The following ANKRD44 variants were observed in gnomAD, a reference collection of about 807,000 sequenced individuals.
The protein encoded by ANKRD44 is serine/threonine-protein phosphatase 6 regulatory ankyrin repeat subunit B.
ANKRD44 carries 35 observed loss-of-function variants against 116.0 expected under a neutral mutation model. The observed-to-expected ratio is 0.30, with a 90% CI of 0.23 to 0.40. The LOEUF is 0.40. Ranked by LOEUF, ANKRD44 falls within the 10% of genes least tolerant of loss-of-function variation. ANKRD44 has a pLI of 1.00. For synonymous variants in ANKRD44, 435 were observed against 461.8 expected, an observed-to-expected ratio of 0.94 and a Z score of 0.74; for missense variants, 1,014 against 1,242.6, an observed-to-expected ratio of 0.82 and a Z score of 2.77.
intron 9 of ANKRD44, among the ~76,000 whole-genome samples, chr2:197,103,972 G>A (rs2078366476): frequency 4.6e-5 from 7 of 152,078 alleles, no homozygotes. Context: ...AATTGTAAAT[G>A]ACTATATAAT....
intron 4 of ANKRD44, among the ~76,000 whole-genome samples, chr2:197,130,064 C>T (rs2079062841): frequency 6.6e-6 from 1 of 152,196 alleles, no homozygotes; most frequent in African/African-American, 2.4e-5. Context: ...AAGTAATAAT[C>T]TGTAAGTGTT....
intron 24 of ANKRD44, 84 bp from the exon 25 acceptor site, chr2:196,998,503 A>T: frequency 1.1e-6 from 1 of 935,926 alleles, no homozygotes; most frequent in Non-Finnish European, 1.7e-6. Flanking sequence ...ACACAATAAC[A>T]TATTTAAATT....
At chr2:196,974,539 C>A (rs914787554) in intron 21 of ANKRD44, among the ~76,000 whole-genome samples, 3 of 152,084 alleles carry the variant, frequency 2.0e-5, no homozygotes, top group Admixed American at 2.0e-4. Context: ...GCTGTAAACA[C>A]CTATATTTAA....
chr2:197,276,214 G>A (rs2083077618), intron 1 of ANKRD44, among the ~76,000 whole-genome samples: 1 of 148,250 alleles, frequency 6.7e-6, no homozygotes, highest in South Asian at 2.1e-4. Context: ...GGTAGAAGTT[G>A]CAGGGGGCTG....
In ANKRD44 at chr2:197,235,586, A is replaced by T. The variant is rs550140798; in HGVS notation, c.28-48480T>A. 7.3e-5 allele frequency among the ~76,000 whole-genome samples: 11 copies of T among 149,940 alleles called. No individual in the cohort carries two copies. The East Asian group carries it at 2.2e-3, about 30-fold the overall frequency. ...AGCCGAGATTGTTGCACTGCACTCC[A>T]GCCTGGGTGATAGAGTGAGACTCTG... On this transcript the variant is annotated intron_variant, in intron 1 of 27. Coordinates refer to ENST00000282272, the MANE Select transcript of ANKRD44 (RefSeq NM_001195144.2).
intron 21 of ANKRD44, among the ~76,000 whole-genome samples, chr2:196,974,857 T>C (rs2075745561): frequency 6.7e-6 from 1 of 149,396 alleles, no homozygotes; most frequent in Non-Finnish European, 1.5e-5. Flanking sequence ...GCCACTGCAA[T>C]CCAGCCTAGG....
At chr2:197,022,013 C>T (rs2076506772) in intron 17 of ANKRD44, among the ~76,000 whole-genome samples, 1 of 152,104 alleles carries the variant, frequency 6.6e-6, no homozygotes, top group Non-Finnish European at 1.5e-5. Context: ...ATTCACTGGG[C>T]CAATAACCCT....
intron 9 of ANKRD44, among the ~76,000 whole-genome samples, chr2:197,104,055 T>C (rs548709438): frequency 6.6e-6 from 1 of 152,354 alleles, no homozygotes; most frequent in Non-Finnish European, 1.5e-5. Context: ...ATCTTTGCTA[T>C]TAAGAAAAAC....
At chr2:197,053,642 C>A (rs2077153232) in intron 16 of ANKRD44, among the ~76,000 whole-genome samples, 1 of 152,166 alleles carries the variant, frequency 6.6e-6, no homozygotes, top group African/African-American at 2.4e-5. Flanking sequence ...CACCACCATG[C>A]CCATCTAATT....
chr2:197,033,811 C>T (rs2076754679), intron 16 of ANKRD44, among the ~76,000 whole-genome samples: 1 of 152,040 alleles, frequency 6.6e-6, no homozygotes, highest in Admixed American at 6.6e-5. Context: ...TGGAATCTAG[C>T]TGCTCTAAGT....
chr2:197,256,694 T>G (rs753577610), intron 1 of ANKRD44, among the ~76,000 whole-genome samples: 18 of 152,150 alleles, frequency 1.2e-4, no homozygotes, highest in South Asian at 2.1e-4. Context: ...AGAATAGATT[T>G]AAAACAAAGG....
chr2:197,016,897 A>C (rs1236182092), intron 17 of ANKRD44, among the ~76,000 whole-genome samples: 1 of 152,200 alleles, frequency 6.6e-6, no homozygotes, highest in East Asian at 1.9e-4. Flanking sequence ...AATTTCCTTA[A>C]TATATAAAGA....
chr2:197,132,539 G>C (rs982110085), intron 4 of ANKRD44, among the ~76,000 whole-genome samples: 2 of 152,074 alleles, frequency 1.3e-5, no homozygotes, highest in African/African-American at 2.4e-5. Context: ...TGAAAACAAG[G>C]CTCCAAAATT....
At chr2:197,241,372 A>G (rs2082086600) in intron 1 of ANKRD44, among the ~76,000 whole-genome samples, 1 of 152,234 alleles carries the variant, frequency 6.6e-6, no homozygotes, top group Non-Finnish European at 1.5e-5. Flanking sequence ...GCCACTATGC[A>G]TCATGGATCT....
At chr2:197,210,805 T>A (rs2081307483) in intron 1 of ANKRD44, among the ~76,000 whole-genome samples, 1 of 152,090 alleles carries the variant, frequency 6.6e-6, no homozygotes, top group Admixed American at 6.5e-5. Context: ...AAACAGAAAC[T>A]GAGCACAGTG....
intron 17 of ANKRD44, chr2:197,016,055 C>T (rs751742775): frequency 6.5e-5 from 33 of 505,400 alleles, no homozygotes; most frequent in African/African-American, 4.3e-4. Context: ...CAGGAGAGAG[C>T]GATGAGTTGT....
chr2:196,985,819 T>C, downstream of ANKRD44, among the ~76,000 whole-genome samples: 1 of 152,186 alleles, frequency 6.6e-6, no homozygotes. Flanking sequence ...CCAGAGACTG[T>C]CCCTGAAGTT....
intron 16 of ANKRD44, among the ~76,000 whole-genome samples, chr2:197,042,966 T>C (rs776239143): frequency 1.1e-4 from 16 of 152,218 alleles, no homozygotes; most frequent in Non-Finnish European, 1.6e-4. Context: ...TTTGCACCAA[T>C]GTGGGTGTGT....
At chr2:197,151,123 C>CAAAA (rs57630063) in intron 2 of ANKRD44, among the ~76,000 whole-genome samples, 1 of 139,706 alleles carries the variant, frequency 7.2e-6, no homozygotes, top group African/African-American at 2.7e-5. Context: ...TGAAAATATG[C>CAAAA]AAAAAAAAAA....
Sources: allele counts gnomAD v4.1 joint callset (sites outside exome capture counted in the v4.1 genomes callset), GRCh38; gene constraint gnomAD v4.1.1; transcripts MANE v1.5; gene names NCBI Gene and HGNC (gene_info 2026-07-23, HGNC 2026-07-21).